ZBTB9: variants seen among roughly 807,000 people sequenced by gnomAD.
The protein encoded by ZBTB9 is zinc finger and BTB domain-containing protein 9.
A neutral mutation model predicts 26.3 loss-of-function variants in ZBTB9; 17 were observed. The observed-to-expected ratio is 0.65, with a 90% CI of 0.44 to 0.97. ZBTB9 has a LOEUF of 0.97. ZBTB9 is among the 50% of genes least tolerant of loss of function. ZBTB9 has a pLI of 0.00. For synonymous variants in ZBTB9, 226 were observed against 234.3 expected, an observed-to-expected ratio of 0.96 and a Z score of 0.32; for missense variants, 510 against 594.2, an observed-to-expected ratio of 0.86 and a Z score of 1.47.
In ZBTB9 at chr6:33,456,534, A is replaced by G. The variant is rs1352722703; in HGVS notation, c.*12A>G. 1.9e-6 allele frequency: 3 copies of G among 1,583,406 alleles called. No individual in the cohort carries two copies. The highest frequency in any genetic ancestry group is 2.3e-5 in the South Asian group (2 of 86,858). ...GGACTTACAAGTGACTGCTGAGGCTATACACTAGCTTCTAGAACAAGATAA... is the reference window on the plus strand; with the variant it reads ...GGACTTACAAGTGACTGCTGAGGCTGTACACTAGCTTCTAGAACAAGATAA... On this transcript the variant is annotated 3_prime_UTR_variant, in exon 2 of 2. Transcript: ENST00000395064. This position sits in a 1 kb window ranked among gnomAD's most constrained non-coding sequence, Gnocchi z 5.1.
Position 33,455,862 on chromosome 6 carries a change from C to T in ZBTB9, c.762C>T (p.Pro254=). ...FPRPHGPHPL[P]MTATPRKLPE... ...GTCCTCATGGACCCCACCCACTGCC[C>T]ATGACTGCTACTCCCCGAAAGCTTC... The change falls in exon 2 of 2, where the codon CCC becomes CCT. Residue 254 remains proline, a synonymous_variant. Coordinates refer to ENST00000395064, the MANE Select transcript of ZBTB9 (RefSeq NM_152735.4). The T allele has an allele frequency of 1.2e-6, 2 of 1,613,298 alleles. No homozygotes were observed. The highest frequency in any genetic ancestry group is 1.7e-6 in the Non-Finnish European group (2 of 1,179,606).
In ZBTB9 at chr6:33,455,905, C is replaced by T. The variant is rs376001256; in HGVS notation, c.805C>T (p.Pro269Ser). The T allele has an allele frequency of 1.4e-5, 22 of 1,613,150 alleles. No individual in the cohort carries two copies. The highest frequency in any genetic ancestry group is 3.3e-5 in the Admixed American group (2 of 59,916). ...AAAGCTTCCAGAGGGTGAGAGTGCA[C>T]CACTTGAGCTTCCTGCCCCTCCTGC... is the stretch of plus-strand genomic sequence containing the variant. Reference protein sequence around the residue: ...PRKLPEGESAPLELPAPPALP... With the variant: ...PRKLPEGESASLELPAPPALP... The change falls in exon 2 of 2, where the codon CCA becomes TCA. Residue 269 changes from proline (P) to serine (S), a missense_variant. Coordinates refer to ENST00000395064, the MANE Select transcript of ZBTB9 (RefSeq NM_152735.4).
In ZBTB9 at chr6:33,455,426, G is replaced by T; in HGVS notation, c.326G>T (p.Arg109Leu). Residue 109 changes from arginine (R) to leucine (L), a missense_variant, in exon 2 of 2, where the codon CGC (arginine) becomes CTC (leucine). This residue lies in a region of ZBTB9 where 439 missense variants were observed against 460.4 expected (regional missense o/e 0.95). Transcript: ENST00000395064. ...CAGCTCATTTATTCAGGGCGTCTCC[G>T]CCTGCCACTGGATGCTCTTCCTGCT... ...LLQLIYSGRLRLPLDALPAHL... is the reference protein window; with the variant it reads ...LLQLIYSGRLLLPLDALPAHL... 6.5e-7 allele frequency: 1 copy of T among 1,548,796 alleles called. No homozygotes were observed. Among genetic ancestry groups the T allele is most frequent in the Non-Finnish European group, 8.7e-7 (1 of 1,152,198 alleles).
chr6:33,455,570 A>G lies in ZBTB9; in HGVS notation c.470A>G (p.His157Arg). 6.2e-7 allele frequency: 1 copy of G among 1,614,132 alleles called. No individual in the cohort carries two copies. ...TCAGCCCGTGGAGGAAACTCCTACCATGCCCTTCTTTCCACTACATCCTCT... is the reference window on the plus strand; with the variant it reads ...TCAGCCCGTGGAGGAAACTCCTACCGTGCCCTTCTTTCCACTACATCCTCT... ...GISARGGNSY[H>R]ALLSTTSSTG... Residue 157 changes from histidine to arginine, a missense_variant, in exon 2 of 2, where the codon CAT becomes CGT. Physicochemically the swap from His to Arg is conservative, Grantham distance 29. Coordinates refer to ENST00000395064, the MANE Select transcript of ZBTB9 (RefSeq NM_152735.4).
In ZBTB9 at chr6:33,456,188, C is replaced by T. The variant is rs201118500; in HGVS notation, c.1088C>T (p.Ala363Val). 288 of 1,607,754 alleles carry T rather than the reference C, an allele frequency of 1.8e-4. 2 individuals are homozygous for T. Among genetic ancestry groups the T allele is most frequent in the Middle Eastern group, 1.2e-3 (7 of 6,066 alleles). Residue 363 changes from alanine (A) to valine (V), a missense_variant, in exon 2 of 2, where the codon GCA becomes GTA. By Grantham distance (64) the Ala-to-Val change is moderately conservative. Coordinates refer to ENST00000395064, the MANE Select transcript of ZBTB9 (RefSeq NM_152735.4). The surrounding 1 kb of genome is among the most constrained non-coding windows in gnomAD (Gnocchi z 5.1). ...ILSGGGGPGG[A>V]GQAVHGPVKL... ...TCAGGGGGTGGAGGACCTGGGGGAG[C>T]AGGCCAGGCCGTGCATGGGCCTGTG...
In ZBTB9 at chr6:33,456,510, G is replaced by T; in HGVS notation, c.1410G>T (p.Trp470Cys). 2 of 1,607,410 alleles carry T rather than the reference G, an allele frequency of 1.2e-6. No individual in the cohort carries two copies. Among genetic ancestry groups the T allele is most frequent in the Non-Finnish European group, 1.7e-6 (2 of 1,176,916 alleles). Reference protein sequence around the residue: ...CKGQGWATAHWTYK With the variant: ...CKGQGWATAHCTYK ...GCCAGGGCTGGGCCACTGCCCACTG[G>T]ACTTACAAGTGACTGCTGAGGCTAT... is the stretch of plus-strand genomic sequence containing the variant. Residue 470 changes from tryptophan (W) to cysteine (C), a missense_variant, in exon 2 of 2, where the codon TGG (tryptophan) becomes TGT (cysteine). Coordinates refer to ENST00000395064, the MANE Select transcript of ZBTB9 (RefSeq NM_152735.4). This position sits in a 1 kb window ranked among gnomAD's most constrained non-coding sequence, Gnocchi z 5.1.
rs767869213 is a variant in ZBTB9 at position 33,455,834 on chromosome 6, C to G, written c.734C>G (p.Pro245Arg). 2 of 1,611,164 alleles carry G rather than the reference C, an allele frequency of 1.2e-6. No individual in the cohort carries two copies. Among genetic ancestry groups the G allele is most frequent in the East Asian group, 2.2e-5 (1 of 44,884 alleles). ...PQPQRVSGVF[P>R]RPHGPHPLPM... The stretch of plus-strand genomic sequence containing the variant: ...CCCCAGAGAGTATCAGGGGTTTTTC[C>G]CCGTCCTCATGGACCCCACCCACTG... The change falls in exon 2 of 2, where the codon CCC (proline) becomes CGC (arginine). Residue 245 changes from proline to arginine, a missense_variant. Physicochemically the swap from Pro to Arg is moderately radical, Grantham distance 103. This residue lies in a region of ZBTB9 where 439 missense variants were observed against 460.4 expected (regional missense o/e 0.95). Coordinates refer to ENST00000395064, the MANE Select transcript of ZBTB9 (RefSeq NM_152735.4).
Position 33,456,561 on chromosome 6 carries a change from C to T in ZBTB9, c.*39C>T, listed in dbSNP as rs748123424. On this transcript the variant is annotated 3_prime_UTR_variant, in exon 2 of 2. Coordinates refer to ENST00000395064, the MANE Select transcript of ZBTB9 (RefSeq NM_152735.4). The surrounding 1 kb of genome is among the most constrained non-coding windows in gnomAD (Gnocchi z 5.1). ...ACACTAGCTTCTAGAACAAGATAAC[C>T]ACTGCTGCTGATGGATACTTTTCCC... is the stretch of plus-strand genomic sequence containing the variant. 8.4e-6 allele frequency: 13 copies of T among 1,546,250 alleles called. No homozygotes were observed. Among genetic ancestry groups the T allele is most frequent in the South Asian group, 1.3e-5 (1 of 79,914 alleles).
At position 33,456,738 on chromosome 6, in the gene ZBTB9, C is replaced by T. The variant is rs1425580984; in HGVS notation, c.*216C>T. ...CACTCCAGGTTTTGGCTAGCCAACCCTGCAGGAAAGTGGTTTATAGGCCAT... is the reference window on the plus strand; with the variant it reads ...CACTCCAGGTTTTGGCTAGCCAACCTTGCAGGAAAGTGGTTTATAGGCCAT... On this transcript the variant is annotated 3_prime_UTR_variant, in exon 2 of 2. Coordinates refer to ENST00000395064, the MANE Select transcript of ZBTB9 (RefSeq NM_152735.4). The surrounding 1 kb of genome is among the most constrained non-coding windows in gnomAD (Gnocchi z 5.1). 8 of 840,096 alleles carry T rather than the reference C, an allele frequency of 9.5e-6. No homozygotes were observed. The highest frequency in any genetic ancestry group is 1.0e-5 in the Non-Finnish European group (6 of 576,540). The allele number at this position is 840,096 out of a possible 1,614,324, so 52.0% of individuals were successfully genotyped here. A position where few individuals can be genotyped will look rare whatever the true frequency, so the allele number is the denominator to read the frequency against.
At position 33,456,783 on chromosome 6, in the gene ZBTB9, T is replaced by G; in HGVS notation, c.*261T>G. 1 of 468,442 alleles carries G rather than the reference T, an allele frequency of 2.1e-6. No individual in the cohort carries two copies. The highest frequency in any genetic ancestry group is 3.8e-6 in the Non-Finnish European group (1 of 266,072). 29.0% of individuals were successfully genotyped at this position (468,442 alleles called of 1,614,324 possible). A position where few individuals can be genotyped will look rare whatever the true frequency, so the allele number is the denominator to read the frequency against. On this transcript the variant is annotated 3_prime_UTR_variant, in exon 2 of 2. Coordinates refer to ENST00000395064, the MANE Select transcript of ZBTB9 (RefSeq NM_152735.4). This position sits in a 1 kb window ranked among gnomAD's most constrained non-coding sequence, Gnocchi z 5.1. ...GGCCATTCATACTTAAGTTGATCAC[T>G]TGCCCATGGTGGACATTTTTGTGGT... is the stretch of plus-strand genomic sequence containing the variant.
In ZBTB9 at chr6:33,456,162, G is replaced by A. The variant is rs1390802843; in HGVS notation, c.1062G>A (p.Leu354=). 5.0e-6 allele frequency: 8 copies of A among 1,608,958 alleles called. No individual in the cohort carries two copies. Among genetic ancestry groups the A allele is most frequent in the Non-Finnish European group, 6.8e-6 (8 of 1,177,342 alleles). ...TGGATCTTCATGGGAATGAAATCCT[G>A]TCAGGGGGTGGAGGACCTGGGGGAG... ...KPVDLHGNEI[L]SGGGGPGGAG... Residue 354 remains leucine (L), a synonymous_variant, in exon 2 of 2, where the codon CTG becomes CTA. Coordinates refer to ENST00000395064, the MANE Select transcript of ZBTB9 (RefSeq NM_152735.4). This position sits in a 1 kb window ranked among gnomAD's most constrained non-coding sequence, Gnocchi z 5.1.
chr6:33,455,860 C>T lies in ZBTB9; in HGVS notation c.760C>T (p.Pro254Ser), dbSNP rs997984745. 3 of 1,612,984 alleles carry T rather than the reference C, an allele frequency of 1.9e-6. No individual in the cohort carries two copies. Among genetic ancestry groups the T allele is most frequent in the African/African-American group, 2.7e-5 (2 of 74,924 alleles). The change falls in exon 2 of 2, where the codon CCC becomes TCC. Residue 254 changes from proline (P) to serine (S), a missense_variant. Pro to Ser is a moderately conservative substitution (Grantham distance 74). Transcript: ENST00000395064. ...FPRPHGPHPL[P>S]MTATPRKLPE... ...CCGTCCTCATGGACCCCACCCACTGCCCATGACTGCTACTCCCCGAAAGCT... is the reference window on the plus strand; with the variant it reads ...CCGTCCTCATGGACCCCACCCACTGTCCATGACTGCTACTCCCCGAAAGCT...
At chr6:33,454,432 C>G (rs969676564), upstream of ZBTB9, 3 of 152,768 alleles carry the variant, frequency 2.0e-5, no homozygotes, top group Admixed American at 1.3e-4. Flanking sequence ...CGAGGACACC[C>G]TGGGCCTGTG....
Position 33,455,759 on chromosome 6 carries a change from A to G in ZBTB9, c.659A>G (p.Asp220Gly). ...QVEEEEEEEEDDDDEDQGSAT... is the reference protein window; with the variant it reads ...QVEEEEEEEEGDDDEDQGSAT... ...GAAGAAGAAGAGGAGGAGGAGGAAGATGATGATGATGAGGACCAGGGGTCA... is the reference window on the plus strand; with the variant it reads ...GAAGAAGAAGAGGAGGAGGAGGAAGGTGATGATGATGAGGACCAGGGGTCA... The change falls in exon 2 of 2, where the codon GAT becomes GGT. Residue 220 changes from aspartate to glycine, a missense_variant. Asp to Gly is a moderately conservative substitution (Grantham distance 94, BLOSUM62 -1). Coordinates refer to ENST00000395064, the MANE Select transcript of ZBTB9 (RefSeq NM_152735.4). 2 of 1,612,998 alleles carry G rather than the reference A, an allele frequency of 1.2e-6. No homozygotes were observed. The highest frequency in any genetic ancestry group is 1.1e-5 in the South Asian group (1 of 90,932).
rs760400106 is a variant in ZBTB9 at position 33,456,356 on chromosome 6, G to A, written c.1256G>A (p.Arg419His). 1.5e-5 allele frequency: 25 copies of A among 1,614,040 alleles called. No individual in the cohort carries two copies. In the Admixed American group the frequency reaches 3.0e-4, roughly 19 times the overall value. Residue 419 changes from arginine (R) to histidine (H), a missense_variant, in exon 2 of 2, where the codon CGC becomes CAC. Arg to His is a conservative substitution (Grantham distance 29, BLOSUM62 0). Transcript: ENST00000395064. This position sits in a 1 kb window ranked among gnomAD's most constrained non-coding sequence, Gnocchi z 5.1. ...RPFGCGICNKRFKLKHHLTEH... is the reference protein window; with the variant it reads ...RPFGCGICNKHFKLKHHLTEH... ...TTTGGCTGTGGCATCTGCAACAAGCGCTTCAAGCTGAAGCACCATCTGACA... is the reference window on the plus strand; with the variant it reads ...TTTGGCTGTGGCATCTGCAACAAGCACTTCAAGCTGAAGCACCATCTGACA...
At chr6:33,454,996 G>C in intron 1 of ZBTB9, 34 bp from the exon 2 acceptor site, 1 of 1,491,158 alleles carries the variant, frequency 6.7e-7, no homozygotes, top group Non-Finnish European at 8.9e-7. Context: ...CCTTTATCCA[G>C]GGCTTCTGTG....
At position 33,455,394 on chromosome 6, in the gene ZBTB9, G is replaced by T. The variant is rs1455612517; in HGVS notation, c.294G>T (p.Gly98=). 1 of 1,613,868 alleles carries T rather than the reference G, an allele frequency of 6.2e-7. No homozygotes were observed. Among genetic ancestry groups the T allele is most frequent in the African/African-American group, 1.3e-5 (1 of 74,930 alleles). ...PSVIEADAFE[G]LLQLIYSGRL... ...TCATTGAAGCCGATGCCTTCGAGGG[G>T]CTGCTCCAGCTCATTTATTCAGGGC... The change falls in exon 2 of 2, where the codon GGG becomes GGT. Residue 98 remains glycine (G), a synonymous_variant. Transcript: ENST00000395064.
rs1761459643 is a variant in ZBTB9, at chr6:33,455,315, A to T, written c.215A>T (p.Tyr72Phe). 1 of 1,613,896 alleles carries T rather than the reference A, an allele frequency of 6.2e-7. No homozygotes were observed. Among genetic ancestry groups the T allele is most frequent in the African/African-American group, 1.3e-5 (1 of 74,860 alleles). The change falls in exon 2 of 2, where the codon TAC becomes TTC. Residue 72 changes from tyrosine (Y) to phenylalanine (F), a missense_variant. By Grantham distance (22) the Tyr-to-Phe change is conservative (BLOSUM62 3). Around this residue, in one of 2 missense-constraint regions of ZBTB9, gnomAD observed 439 missense variants for 460.4 expected, o/e 0.95. Coordinates refer to ENST00000395064, the MANE Select transcript of ZBTB9 (RefSeq NM_152735.4). The part of the protein sequence containing the change: ...HKAVLAAASP[Y>F]FHDKLLLGDA... The stretch of plus-strand genomic sequence containing the variant: ...GCAGTGTTAGCTGCTGCCTCTCCTT[A>T]CTTCCATGACAAGCTGCTTCTGGGG...
At position 33,455,719 on chromosome 6, in the gene ZBTB9, C is replaced by G. The variant is rs764711342; in HGVS notation, c.619C>G (p.Leu207Val). 2.5e-6 allele frequency: 4 copies of G among 1,614,054 alleles called. No homozygotes were observed. The highest frequency in any genetic ancestry group is 3.4e-6 in the Non-Finnish European group (4 of 1,180,002). ...GGAGGGAAGTGAACTGGGAGAAGTG[C>G]TGCAAATTCAGGTGGAAGAAGAAGA... ...GGEGSELGEV[L>V]QIQVEEEEEE... The change falls in exon 2 of 2, where the codon CTG becomes GTG. Residue 207 changes from leucine (L) to valine (V), a missense_variant. By Grantham distance (32) the Leu-to-Val change is conservative. Around this residue, in one of 2 missense-constraint regions of ZBTB9, gnomAD observed 439 missense variants for 460.4 expected, o/e 0.95. Transcript: ENST00000395064.
Sources: gnomAD v4.1 joint callset for allele counts on GRCh38, gnomAD v4.1.1 for gene constraint, gnomAD v4.1.1 regional missense constraint, Gnocchi (gnomAD v3.1) non-coding constraint, MANE v1.5 for transcripts, NCBI Gene and HGNC (gene_info 2026-07-23, HGNC 2026-07-21) for gene names.